FGF20: variants seen among roughly 807,000 people sequenced by gnomAD.
FGF20 encodes fibroblast growth factor 20.
In FGF20, 8 loss-of-function variants were observed where a neutral mutation model predicts 16.7. That is an observed-to-expected ratio of 0.48 (90% CI 0.28 to 0.87). FGF20 has a LOEUF of 0.87. Ranked by LOEUF, FGF20 falls within the 40% of genes least tolerant of loss-of-function variation. The pLI is 0.10. For synonymous variants in FGF20, 161 were observed against 118.6 expected, an observed-to-expected ratio of 1.36 and a Z score of -2.32; for missense variants, 397 against 281.4, an observed-to-expected ratio of 1.41 and a Z score of -2.94.
At position 17,000,365 on chromosome 8, in the gene FGF20, G is replaced by T. The variant is rs181814371; in HGVS notation, c.286+1382C>A. On this transcript the variant is annotated intron_variant, in intron 1 of 2. Coordinates refer to ENST00000180166, the MANE Select transcript of FGF20 (RefSeq NM_019851.3). Reference sequence around the variant, plus strand: ...CCACATGCTTATTTCTACATCTAGAGTTACAAATGCCCCCTTAAACTGAGA... The same window carrying T: ...CCACATGCTTATTTCTACATCTAGATTTACAAATGCCCCCTTAAACTGAGA... 3.2e-3 allele frequency among the ~76,000 whole-genome samples: 484 copies of T among 152,132 alleles called. 3 individuals are homozygous for T. The highest frequency in any genetic ancestry group is 5.4e-3 in the Non-Finnish European group (364 of 67,992).
chr8:16,995,535 T>G (rs1810022407), intron 2 of FGF20, 120 bp downstream of exon 2: 4 of 453,572 alleles, frequency 8.8e-6, no homozygotes, highest in Non-Finnish European at 1.1e-5. Context: ...GATTTCAATT[T>G]CTACGTAAGT....
intron 1 of FGF20, among the ~76,000 whole-genome samples, chr8:16,997,222 C>G (rs1810076346): frequency 6.6e-6 from 1 of 152,258 alleles, no homozygotes; most frequent in African/African-American, 2.4e-5. Flanking sequence ...AAACTTTGGA[C>G]TAATGCCTTT....
chr8:16,998,883 T>C (rs1810119561), intron 1 of FGF20, among the ~76,000 whole-genome samples: 1 of 122,572 alleles, frequency 8.2e-6, no homozygotes, highest in South Asian at 2.9e-4. Context: ...AGTATAAAAC[T>C]GGCAAAAAAA....
intron 2 of FGF20, among the ~76,000 whole-genome samples, chr8:16,994,679 C>A (rs914319945): frequency 6.6e-6 from 1 of 152,042 alleles, no homozygotes; most frequent in African/African-American, 2.4e-5. Context: ...TATTGTGGTT[C>A]CAGTTGAGAG....
At chr8:16,993,500 C>T (rs1809967168) in intron 2 of FGF20, among the ~76,000 whole-genome samples, 183 bp from the exon 3 acceptor site, 1 of 152,116 alleles carries the variant, frequency 6.6e-6, no homozygotes, top group Non-Finnish European at 1.5e-5. Flanking sequence ...GTGACTTCAT[C>T]TGGCAGTGTA....
At chr8:16,997,092 T>C (rs1404126275) in intron 1 of FGF20, among the ~76,000 whole-genome samples, 2 of 152,252 alleles carry the variant, frequency 1.3e-5, no homozygotes, top group African/African-American at 4.8e-5. Flanking sequence ...TCTAGAATTA[T>C]TTCCATTTAT....
At position 16,992,349 on chromosome 8, in the gene FGF20, T is replaced by G. The variant is rs992983677; in HGVS notation, c.*723A>C. On this transcript the variant is annotated 3_prime_UTR_variant, in exon 3 of 3. Transcript: ENST00000180166. ...AGAAATTCAAAATCTGATTCTATGG[T>G]TAAGGTGGTATAATAATGTCCTCTT... 2 of 152,040 alleles carry G rather than the reference T, an allele frequency of 1.3e-5. No homozygotes were observed. The highest frequency in any genetic ancestry group is 2.9e-5 in the Non-Finnish European group (2 of 67,988). The allele number at this position is 152,040 out of a possible 1,614,324, so 9.4% of individuals were successfully genotyped here. A position where few individuals can be genotyped will look rare whatever the true frequency, so the allele number is the denominator to read the frequency against.
chr8:16,998,493 A>T (rs1311101880), intron 1 of FGF20, among the ~76,000 whole-genome samples: 2 of 152,210 alleles, frequency 1.3e-5, no homozygotes, highest in Non-Finnish European at 2.9e-5. Flanking sequence ...GTAGCAACTA[A>T]GCTAATTCCT....
chr8:16,994,985 C>CA lies in FGF20; in HGVS notation c.390+669dup, dbSNP rs17515191. On this transcript the variant is annotated intron_variant, in intron 2 of 2. Coordinates refer to ENST00000180166, the MANE Select transcript of FGF20 (RefSeq NM_019851.3). Reference sequence around the variant, plus strand: ...TGCTATTGCAGATTTGTTCTAAAAACAAAAAAAAACTTAAACTGATGAAAT... The same window carrying CA: ...TGCTATTGCAGATTTGTTCTAAAAACAAAAAAAAAACTTAAACTGATGAAAT... 9.3e-3 allele frequency among the ~76,000 whole-genome samples: 1,410 copies of CA among 150,914 alleles called. 33 individuals are homozygous for CA. The highest frequency in any genetic ancestry group is 0.032 in the African/African-American group (1,310 of 41,204).
rs568163676 is a variant in FGF20 at position 17,000,865 on chromosome 8, C to T, written c.286+882G>A. 3.9e-5 allele frequency among the ~76,000 whole-genome samples: 6 copies of T among 152,018 alleles called. No individual in the cohort carries two copies. In the South Asian group the frequency reaches 8.3e-4, roughly 21 times the overall value. On this transcript the variant is annotated intron_variant, in intron 1 of 2. Coordinates refer to ENST00000180166, the MANE Select transcript of FGF20 (RefSeq NM_019851.3). ...AACCCCTTCTCTTCCCAGGCACTGC[C>T]GGAGGTATTCTGAAACACGTCCGTC... is the stretch of plus-strand genomic sequence containing the variant.
At chr8:16,994,964 A>G (rs1183599847) in intron 2 of FGF20, among the ~76,000 whole-genome samples, 1 of 152,182 alleles carries the variant, frequency 6.6e-6, no homozygotes, top group Non-Finnish European at 1.5e-5. Context: ...TTGTGTTGCT[A>G]TTGCAGATTT....
chr8:16,998,200 G>A (rs1810101066), intron 1 of FGF20, among the ~76,000 whole-genome samples: 1 of 152,106 alleles, frequency 6.6e-6, no homozygotes, highest in Non-Finnish European at 1.5e-5. Flanking sequence ...ATATGTAGCT[G>A]TAGAAAGACA....
At position 17,001,718 on chromosome 8, in the gene FGF20, G is replaced by C. The variant is rs368157058; in HGVS notation, c.286+29C>G. ...CGAGGAGCCGAGCTGGGGCGCAGAT[G>C]GGGGTGGGGTCGGGATGCTAGTACG... On this transcript the variant is annotated intron_variant, in intron 1 of 2. Transcript: ENST00000180166. 4.5e-6 allele frequency: 7 copies of C among 1,553,262 alleles called. No individual in the cohort carries two copies. The Admixed American group carries it at 1.3e-4, about 29-fold the overall frequency.
chr8:16,994,011 G>C (rs1448442117), intron 2 of FGF20, among the ~76,000 whole-genome samples: 1 of 152,156 alleles, frequency 6.6e-6, no homozygotes, highest in African/African-American at 2.4e-5. Flanking sequence ...ACAGGCCACA[G>C]ACCAATACCA....
chr8:17,001,718 G>T (rs368157058), intron 1 of FGF20, 29 bp downstream of exon 1: 2 of 1,553,380 alleles, frequency 1.3e-6, no homozygotes, highest in Non-Finnish European at 1.7e-6. Flanking sequence ...GGGCGCAGAT[G>T]GGGGTGGGGT....
chr8:16,992,995 G>T lies in FGF20; in HGVS notation c.*77C>A. 1 of 1,487,836 alleles carries T rather than the reference G, an allele frequency of 6.7e-7. No individual in the cohort carries two copies. Among genetic ancestry groups the T allele is most frequent in the Non-Finnish European group, 9.1e-7 (1 of 1,099,082 alleles). 92.2% of individuals were successfully genotyped at this position (1,487,836 alleles called of 1,614,324 possible). A position where few individuals can be genotyped will look rare whatever the true frequency, so the allele number is the denominator to read the frequency against. On this transcript the variant is annotated 3_prime_UTR_variant, in exon 3 of 3. Transcript: ENST00000180166. The stretch of plus-strand genomic sequence containing the variant: ...TTTAATATTTTGAACGTCTCCTTGG[G>T]TCATTATTTTATGATGGGAACTATG...
intron 2 of FGF20, among the ~76,000 whole-genome samples, chr8:16,994,239 G>A (rs550047624): frequency 6.6e-6 from 1 of 152,052 alleles, no homozygotes; most frequent in Non-Finnish European, 1.5e-5. Context: ...TCTCACCTTG[G>A]AGCATTTCAA....
intron 1 of FGF20, among the ~76,000 whole-genome samples, chr8:17,000,587 T>C (rs926288491): frequency 2.0e-5 from 3 of 152,080 alleles, no homozygotes; most frequent in African/African-American, 7.2e-5. Flanking sequence ...TCCAATGATG[T>C]CAAAAGTTTG....
chr8:17,002,073 G>A lies in FGF20; in HGVS notation c.-41C>T. ...GAACACAAAAGACCCCCCCAGTAAA[G>A]AGTGTTGTGGGGGTGGGATGGAGGT... On this transcript the variant is annotated 5_prime_UTR_variant, in exon 1 of 3. Coordinates refer to ENST00000180166, the MANE Select transcript of FGF20 (RefSeq NM_019851.3). 1 of 1,492,472 alleles carries A rather than the reference G, an allele frequency of 6.7e-7. No individual in the cohort carries two copies. Among genetic ancestry groups the A allele is most frequent in the East Asian group, 2.9e-5 (1 of 35,078 alleles). The allele number at this position is 1,492,472 out of a possible 1,614,324, so 92.5% of individuals were successfully genotyped here. A position where few individuals can be genotyped will look rare whatever the true frequency, so the allele number is the denominator to read the frequency against.
Sources: gnomAD v4.1 joint callset for allele counts (sites outside exome capture counted in the v4.1 genomes callset) on GRCh38, gnomAD v4.1.1 for gene constraint, MANE v1.5 for transcripts, NCBI Gene and HGNC (gene_info 2026-07-23, HGNC 2026-07-21) for gene names.